The following PARD3B variants were observed in gnomAD, a reference collection of about 807,000 sequenced individuals.
PARD3B encodes the protein par-3 family cell polarity regulator beta.
Under a neutral mutation model 130.2 loss-of-function variants are expected in PARD3B, and 103 were observed. The ratio of observed to expected loss-of-function variants is 0.79; its 90% CI spans 0.67 to 0.93. The LOEUF (loss-of-function observed/expected upper bound fraction) is 0.93. Among genes scored for constraint, PARD3B ranks in the 40% least tolerant of loss-of-function variants. The probability of loss-of-function intolerance (pLI) is 0.00; values close to 1 mark genes in which losing one functional copy is unlikely to be tolerated. For missense variants in PARD3B, 1,609 were observed against 1,499.2 expected (o/e 1.07, Z -1.21); for synonymous variants, 583 against 553.2 (o/e 1.05, Z -0.76).
rs1007519152 is a variant in PARD3B, at chr2:205,366,814, G to T, written c.2631-34199G>T. Among the ~76,000 whole-genome samples, 2 of 152,154 alleles carry T rather than the reference G, an allele frequency of 1.3e-5. No individual in the cohort carries two copies. The highest frequency in any genetic ancestry group is 4.8e-5 in the African/African-American group (2 of 41,434). On this transcript the variant is annotated intron_variant, in intron 18 of 22. Transcript: ENST00000406610. This position sits in a 1 kb window ranked among gnomAD's most constrained non-coding sequence, Gnocchi z 5.0. ...ATTTTAGGTGGCCTCCAGGCCATGT[G>T]CCTTCCCACTAATAACTGGTGATGC...
chr2:204,549,975 G>A (rs1259607162), intron 1 of PARD3B, among the ~76,000 whole-genome samples: 1 of 150,906 alleles, frequency 6.6e-6, no homozygotes, highest in African/African-American at 2.4e-5. Flanking sequence ...AGTATTTATT[G>A]ACCTTTTAGT....
intron 4 of PARD3B, among the ~76,000 whole-genome samples, chr2:205,076,690 G>A (rs1020374479): frequency 1.3e-5 from 2 of 152,028 alleles, no homozygotes; most frequent in Admixed American, 1.3e-4. Flanking sequence ...TGTGAACTGT[G>A]GATCTAGGTT....
chr2:204,930,522 A>G (rs1687953351), intron 2 of PARD3B, among the ~76,000 whole-genome samples: 1 of 152,070 alleles, frequency 6.6e-6, no homozygotes, highest in Non-Finnish European at 1.5e-5. Flanking sequence ...AGGGCTGACT[A>G]TATTTTGTAC....
rs1208090750 is a variant in PARD3B, at chr2:204,623,190, C to A, written c.121-62991C>A. Among the ~76,000 whole-genome samples, 1 of 151,914 alleles carries A rather than the reference C, an allele frequency of 6.6e-6. No individual in the cohort carries two copies. The highest frequency in any genetic ancestry group is 1.5e-5 in the Non-Finnish European group (1 of 67,964). ...GATTCACAGGAAATTTCAAAGATAC[C>A]ACAGGGAGGTCCCACATACTATTCA... is the stretch of plus-strand genomic sequence containing the variant. On this transcript the variant is annotated intron_variant, in intron 1 of 22. Coordinates refer to ENST00000406610, the MANE Select transcript of PARD3B (RefSeq NM_001302769.2). This position sits in a 1 kb window ranked among gnomAD's most constrained non-coding sequence, Gnocchi z 4.5.
In PARD3B at chr2:205,091,271, TA is replaced by T. The variant is rs1702088613; in HGVS notation, c.505-13153del. ...TGAAATCATATACACATACTACATG[TA>T]AGCCAAAGGCCCAGAGCTTGTAATA... On this transcript the variant is annotated intron_variant, in intron 4 of 22. Coordinates refer to ENST00000406610, the MANE Select transcript of PARD3B (RefSeq NM_001302769.2). The surrounding 1 kb of genome is among the most constrained non-coding windows in gnomAD (Gnocchi z 4.2). 6.6e-6 allele frequency among the ~76,000 whole-genome samples: 1 copy of T among 152,230 alleles called. No homozygotes were observed. The highest frequency in any genetic ancestry group is 1.5e-5 in the Non-Finnish European group (1 of 68,046).
At chr2:204,813,736 C>T (rs1441930640) in intron 2 of PARD3B, among the ~76,000 whole-genome samples, 1 of 151,934 alleles carries the variant, frequency 6.6e-6, no homozygotes, top group African/African-American at 2.4e-5. Flanking sequence ...CATGGATATT[C>T]AGCTGCTTGA....
intron 21 of PARD3B, among the ~76,000 whole-genome samples, chr2:205,501,515 G>T (rs115736157): frequency 8.3e-4 from 127 of 152,242 alleles, no homozygotes; most frequent in African/African-American, 2.9e-3. Flanking sequence ...CAAGAGATGT[G>T]AGCTACTTGT....
rs1308924666 is a variant in PARD3B, at chr2:205,458,258, C to T, written c.3044+17586C>T. 6.6e-6 allele frequency among the ~76,000 whole-genome samples: 1 copy of T among 152,076 alleles called. No homozygotes were observed. Among genetic ancestry groups the T allele is most frequent in the Non-Finnish European group, 1.5e-5 (1 of 68,004 alleles). On this transcript the variant is annotated intron_variant, in intron 20 of 22. Coordinates refer to ENST00000406610, the MANE Select transcript of PARD3B (RefSeq NM_001302769.2). This position sits in a 1 kb window ranked among gnomAD's most constrained non-coding sequence, Gnocchi z 4.8. ...TCAGAATTGTTTCTGTTCCCTCCTG[C>T]TCCTCTTCCTCTCCTCTTCTTCCTC... is the stretch of plus-strand genomic sequence containing the variant.
intron 15 of PARD3B, among the ~76,000 whole-genome samples, chr2:205,231,046 A>ACTGT (rs2038809311): frequency 6.6e-6 from 1 of 152,024 alleles, no homozygotes; most frequent in Non-Finnish European, 1.5e-5. Flanking sequence ...GCAAATCAAG[A>ACTGT]CTGTCTTTCC....
Position 205,514,802 on chromosome 2 carries a change from T to C in PARD3B, c.3180+14771T>C, listed in dbSNP as rs11890560. 5.8e-3 allele frequency among the ~76,000 whole-genome samples: 861 copies of C among 149,662 alleles called. 12 individuals carry two copies. The highest frequency in any genetic ancestry group is 0.02 in the African/African-American group (821 of 41,064). On this transcript the variant is annotated intron_variant, in intron 21 of 22. Transcript: ENST00000406610. ...CTTCTTTTATTTTATATTTAACAAG[T>C]TTTTATGTTTTTATTATTTTTCTTA...
chr2:205,160,780 C>A lies in PARD3B; in HGVS notation c.1620+1873C>A, dbSNP rs928162758. Among the ~76,000 whole-genome samples the A allele has an allele frequency of 1.3e-5, 2 of 152,136 alleles. No homozygotes were observed. The highest frequency in any genetic ancestry group is 2.4e-5 in the African/African-American group (1 of 41,432). On this transcript the variant is annotated intron_variant, in intron 11 of 22. Transcript: ENST00000406610. This position sits in a 1 kb window ranked among gnomAD's most constrained non-coding sequence, Gnocchi z 4.0. ...CATTTACATTGGATTATTTTCAGTC[C>A]ATTTTATCAAAGTGGAAATTACAGA...
chr2:205,281,488 G>C lies in PARD3B; in HGVS notation c.2186-19042G>C, dbSNP rs1225598443. 6.6e-6 allele frequency among the ~76,000 whole-genome samples: 1 copy of C among 152,142 alleles called. No individual in the cohort carries two copies. The highest frequency in any genetic ancestry group is 1.5e-5 in the Non-Finnish European group (1 of 68,008). On this transcript the variant is annotated intron_variant, in intron 16 of 22. Transcript: ENST00000406610. This position sits in a 1 kb window ranked among gnomAD's most constrained non-coding sequence, Gnocchi z 4.2. ...TTCCAGTGAACAGTTAGCAAACTAG[G>C]GAGATGCAGTATTTCTGTCCCAAAG...
chr2:204,998,358 A>ATG (rs59323700), intron 3 of PARD3B, among the ~76,000 whole-genome samples: 12,103 of 69,464 alleles, frequency 0.17, 1,789 homozygotes, highest in East Asian at 0.36. Flanking sequence ...ATATATATAT[A>ATG]TGTGTGTGTG....
intron 1 of PARD3B, among the ~76,000 whole-genome samples, chr2:204,652,688 T>C (rs1057118498): frequency 3.3e-5 from 5 of 152,188 alleles, no homozygotes; most frequent in African/African-American, 1.2e-4. Context: ...TCTATATTAG[T>C]CCATTTTTAC....
At chr2:204,815,003 A>T (rs556779256) in intron 2 of PARD3B, among the ~76,000 whole-genome samples, 72 of 151,770 alleles carry the variant, frequency 4.7e-4, no homozygotes, top group Non-Finnish European at 8.4e-4. Flanking sequence ...TTTTTCATCT[A>T]TTCTCATAAT....
At chr2:204,671,842 T>G (rs1243053193) in intron 1 of PARD3B, among the ~76,000 whole-genome samples, 1 of 152,180 alleles carries the variant, frequency 6.6e-6, no homozygotes, top group Non-Finnish European at 1.5e-5. Context: ...CATCTCAGCT[T>G]TGGGGTTATA....
At chr2:204,576,578 G>A (rs1255805821) in intron 1 of PARD3B, among the ~76,000 whole-genome samples, 2 of 152,038 alleles carry the variant, frequency 1.3e-5, no homozygotes, top group African/African-American at 2.4e-5. Flanking sequence ...GATGCAATAG[G>A]CCGGTGGTTC....
chr2:205,133,810 G>A (rs1238761219), intron 10 of PARD3B, among the ~76,000 whole-genome samples: 2 of 152,064 alleles, frequency 1.3e-5, no homozygotes, highest in African/African-American at 4.8e-5. Context: ...ACTTTCTCAG[G>A]TCCAACTCGA....
chr2:205,231,461 G>A (rs1006571746), intron 15 of PARD3B, among the ~76,000 whole-genome samples: 8 of 151,576 alleles, frequency 5.3e-5, no homozygotes, highest in Non-Finnish European at 8.8e-5. Context: ...TGAGTAGCTG[G>A]GACCACAGGC....
Sources: allele counts gnomAD v4.1 joint callset (sites outside exome capture counted in the v4.1 genomes callset), GRCh38; gene constraint gnomAD v4.1.1; non-coding constraint Gnocchi (gnomAD v3.1); transcripts MANE v1.5; gene names NCBI Gene and HGNC (gene_info 2026-07-23, HGNC 2026-07-21).